The following EPHA6 variants were observed in gnomAD, a reference collection of about 807,000 sequenced individuals.
EPHA6 encodes the protein EPH receptor A6, also known as ephrin type-A receptor 6.
Under a neutral mutation model 112.0 loss-of-function variants are expected in EPHA6, and 50 were observed. The ratio of observed to expected loss-of-function variants is 0.45; its 90% confidence interval spans 0.36 to 0.56. The LOEUF is 0.56. Among genes scored for constraint, EPHA6 ranks in the 20% least tolerant of loss-of-function variants. The pLI, the probability that EPHA6 is intolerant of heterozygous loss-of-function variation, is 0.00. For synonymous variants in EPHA6, 529 were observed against 490.7 expected, an observed-to-expected ratio of 1.08 and a Z score of -1.03; for missense variants, 1,280 against 1,417.4, an observed-to-expected ratio of 0.90 and a Z score of 1.56.
intron 14 of EPHA6, among the ~76,000 whole-genome samples, chr3:97,681,777 G>A (rs1308946119): frequency 1.3e-5 from 2 of 151,968 alleles, no homozygotes; most frequent in African/African-American, 2.4e-5. Context: ...TAAAAAGGCA[G>A]CATTACATAT....
In EPHA6 at chr3:97,312,892, C is replaced by T. The variant is rs933078085; in HGVS notation, c.1606+68605C>T. Among the ~76,000 whole-genome samples, 7 of 151,452 alleles carry T rather than the reference C, an allele frequency of 4.6e-5. No individual in the cohort carries two copies. In the Admixed American group the frequency reaches 4.6e-4, roughly 10 times the overall value. On this transcript the variant is annotated intron_variant, in intron 5 of 17. Coordinates refer to ENST00000389672, the MANE Select transcript of EPHA6 (RefSeq NM_001080448.3). ...TTGTGATAAGTAACAAATCCATCATCTCACCAACTTATTTCCTTTGTAGTG... is the reference window on the plus strand; with the variant it reads ...TTGTGATAAGTAACAAATCCATCATTTCACCAACTTATTTCCTTTGTAGTG...
chr3:97,498,659 C>T (rs2092042883), intron 10 of EPHA6, among the ~76,000 whole-genome samples: 1 of 152,046 alleles, frequency 6.6e-6, no homozygotes, highest in Non-Finnish European at 1.5e-5. Context: ...TTCCTTTACT[C>T]TATAACAGTG....
At chr3:97,532,810 C>CTTTGT (rs1237230733) in intron 11 of EPHA6, among the ~76,000 whole-genome samples, 1 of 151,944 alleles carries the variant, frequency 6.6e-6, no homozygotes, top group South Asian at 2.1e-4. Context: ...TGTGTTTTTG[C>CTTTGT]TTTGTTTTGT....
At chr3:96,974,069 TGTA>T (rs1325720988) in intron 2 of EPHA6, among the ~76,000 whole-genome samples, 159 of 146,052 alleles carry the variant, frequency 1.1e-3, no homozygotes, top group Admixed American at 2.9e-3. Flanking sequence ...ATTATATATT[TGTA>T]GTATGATTAA....
At chr3:97,538,158 A>G (rs2092789506) in intron 11 of EPHA6, among the ~76,000 whole-genome samples, 1 of 152,206 alleles carries the variant, frequency 6.6e-6, no homozygotes, top group Admixed American at 6.5e-5. Context: ...AACTAGGGGC[A>G]GACAAAATAT....
At chr3:97,300,597 G>C (rs1247372298) in intron 5 of EPHA6, among the ~76,000 whole-genome samples, 1 of 152,106 alleles carries the variant, frequency 6.6e-6, no homozygotes, top group African/African-American at 2.4e-5. Flanking sequence ...CATATGACTA[G>C]AGCTTTTGCT....
chr3:97,138,826 T>C (rs890159208), intron 3 of EPHA6, among the ~76,000 whole-genome samples: 4 of 152,230 alleles, frequency 2.6e-5, no homozygotes, highest in African/African-American at 9.6e-5. Flanking sequence ...ACAGGGATTC[T>C]TGCAGCCTGG....
chr3:97,272,297 C>CGTGTGT (rs58790255), intron 5 of EPHA6, among the ~76,000 whole-genome samples: 19 of 150,246 alleles, frequency 1.3e-4, no homozygotes, highest in African/African-American at 4.7e-4. Flanking sequence ...TATTCCATTT[C>CGTGTGT]GTGTGTGTGT....
At chr3:97,042,258 G>A (rs2045343364) in intron 3 of EPHA6, among the ~76,000 whole-genome samples, 1 of 151,894 alleles carries the variant, frequency 6.6e-6, no homozygotes, top group Admixed American at 6.6e-5. Flanking sequence ...AAAGTATGTG[G>A]CACCCTCTCC....
At chr3:97,492,783 G>A (rs1258924798) in intron 10 of EPHA6, among the ~76,000 whole-genome samples, 1 of 151,680 alleles carries the variant, frequency 6.6e-6, no homozygotes, top group Middle Eastern at 3.2e-3. Context: ...ACTGAATTAG[G>A]CATTTAGATA....
intron 12 of EPHA6, 52 bp downstream of exon 12, chr3:97,592,789 G>A: frequency 6.7e-7 from 1 of 1,484,736 alleles, no homozygotes; most frequent in Non-Finnish European, 8.9e-7. Context: ...GTAGGATTGT[G>A]CTCATAGTTG....
intron 3 of EPHA6, among the ~76,000 whole-genome samples, chr3:97,177,889 T>G (rs1219514731): frequency 6.6e-6 from 1 of 152,016 alleles, no homozygotes; most frequent in Non-Finnish European, 1.5e-5. Flanking sequence ...TGGGTCTTGT[T>G]TTTTCATCCA....
intron 10 of EPHA6, among the ~76,000 whole-genome samples, chr3:97,484,453 C>G (rs2091648034): frequency 6.6e-6 from 1 of 152,038 alleles, no homozygotes; most frequent in Non-Finnish European, 1.5e-5. Context: ...CTGAGAATCA[C>G]CAAAGATAAA....
At chr3:97,131,260 T>G (rs551920511) in intron 3 of EPHA6, among the ~76,000 whole-genome samples, 1 of 152,224 alleles carries the variant, frequency 6.6e-6, no homozygotes, top group Non-Finnish European at 1.5e-5. Context: ...TAAATGGTAG[T>G]AATATATGCA....
intron 3 of EPHA6, among the ~76,000 whole-genome samples, chr3:97,125,652 G>C (rs1171056877): frequency 1.3e-5 from 2 of 152,016 alleles, no homozygotes; most frequent in Non-Finnish European, 2.9e-5. Flanking sequence ...TCTTCCAAGA[G>C]AAATTGAAAA....
chr3:97,457,211 C>A (rs973203928), intron 7 of EPHA6, among the ~76,000 whole-genome samples: 1 of 151,984 alleles, frequency 6.6e-6, no homozygotes, highest in Non-Finnish European at 1.5e-5. Context: ...CAGCAAGTAC[C>A]GATAGAATGA....
intron 3 of EPHA6, among the ~76,000 whole-genome samples, chr3:97,185,043 A>G (rs999745427): frequency 6.6e-6 from 1 of 152,186 alleles, no homozygotes; most frequent in African/African-American, 2.4e-5. Context: ...TCCCTTCCTT[A>G]CACCTTATAC....
At chr3:97,415,036 A>C (rs1220917442) in intron 6 of EPHA6, among the ~76,000 whole-genome samples, 1 of 152,038 alleles carries the variant, frequency 6.6e-6, no homozygotes, top group East Asian at 1.9e-4. Flanking sequence ...AGAGTAACCT[A>C]GGTGGCTTTG....
chr3:97,506,972 T>C (rs184322884), intron 10 of EPHA6, among the ~76,000 whole-genome samples: 48 of 152,324 alleles, frequency 3.2e-4, no homozygotes, highest in African/African-American at 1.0e-3. Flanking sequence ...TCTCTGTCTA[T>C]TATTGGTGTA....
Sources: allele counts gnomAD v4.1 joint callset (sites outside exome capture counted in the v4.1 genomes callset), GRCh38; gene constraint gnomAD v4.1.1; transcripts MANE v1.5; gene names NCBI Gene and HGNC (gene_info 2026-07-23, HGNC 2026-07-21).